Variants in NXPH1 observed in about 807,000 individuals in gnomAD.
NXPH1 encodes neurexophilin 1.
In NXPH1, 5 loss-of-function variants were observed where a neutral mutation model predicts 23.7. That is an observed-to-expected ratio of 0.21 (90% CI 0.11 to 0.44). The LOEUF (loss-of-function observed/expected upper bound fraction) is 0.44, where lower values mean the gene tolerates loss of function less well. NXPH1 is among the 20% of genes least tolerant of loss of function. NXPH1 has a pLI of 0.99. For missense variants in NXPH1, 324 were observed against 321.6 expected (o/e 1.01, Z -0.06); for synonymous variants, 144 against 122.2 (o/e 1.18, Z -1.18).
chr7:8,642,288 A>G (rs1472723493), intron 2 of NXPH1, among the ~76,000 whole-genome samples: 1 of 152,200 alleles, frequency 6.6e-6, no homozygotes, highest in Non-Finnish European at 1.5e-5. Context: ...TTTTAAAGAC[A>G]TTGCTCTGTT....
intron 2 of NXPH1, among the ~76,000 whole-genome samples, chr7:8,681,371 C>A (rs572302900): frequency 3.3e-5 from 5 of 152,224 alleles, no homozygotes; most frequent in Admixed American, 2.6e-4. Context: ...GACAATTTAC[C>A]CAGTAATGTG....
At chr7:8,633,593 A>G (rs1820169228) in intron 2 of NXPH1, among the ~76,000 whole-genome samples, 1 of 152,232 alleles carries the variant, frequency 6.6e-6, no homozygotes, top group Non-Finnish European at 1.5e-5. Context: ...ATTCATTTAT[A>G]AAACCCAAAC....
At chr7:8,601,129 A>T (rs1289994726) in intron 2 of NXPH1, among the ~76,000 whole-genome samples, 1 of 152,154 alleles carries the variant, frequency 6.6e-6, no homozygotes, top group African/African-American at 2.4e-5. Flanking sequence ...TCCTGGAACC[A>T]ATGCCCCTCA....
At chr7:8,557,513 C>T (rs879793461) in intron 2 of NXPH1, among the ~76,000 whole-genome samples, 2 of 148,432 alleles carry the variant, frequency 1.3e-5, no homozygotes, top group Admixed American at 1.3e-4. Context: ...GACCCCTCCA[C>T]TCAGGGTCTG....
At chr7:8,593,041 G>T (rs145706925) in intron 2 of NXPH1, among the ~76,000 whole-genome samples, 1 of 151,812 alleles carries the variant, frequency 6.6e-6, no homozygotes, top group East Asian at 1.9e-4. Flanking sequence ...TAGATTCCAA[G>T]GTCCATTTCT....
At chr7:8,542,821 G>T (rs1584222182) in intron 2 of NXPH1, among the ~76,000 whole-genome samples, 1 of 151,498 alleles carries the variant, frequency 6.6e-6, no homozygotes, top group East Asian at 2.0e-4. Context: ...ACCATTTTAG[G>T]TACAAGTTTA....
At chr7:8,494,912 A>G (rs1817310670) in intron 2 of NXPH1, among the ~76,000 whole-genome samples, 1 of 152,030 alleles carries the variant, frequency 6.6e-6, no homozygotes, top group African/African-American at 2.4e-5. Flanking sequence ...GTACATCCTG[A>G]TTGTACTCCC....
chr7:8,554,730 T>C (rs1297653702), intron 2 of NXPH1, among the ~76,000 whole-genome samples: 1 of 151,682 alleles, frequency 6.6e-6, no homozygotes, highest in East Asian at 2.0e-4. Flanking sequence ...TATAAAGTCC[T>C]TCTGTTCTTT....
At chr7:8,626,347 A>T (rs1233072025) in intron 2 of NXPH1, among the ~76,000 whole-genome samples, 1 of 150,106 alleles carries the variant, frequency 6.7e-6, no homozygotes, top group Non-Finnish European at 1.5e-5. Context: ...TATAATTCTG[A>T]TGTGTCAGTG....
Position 8,752,089 on chromosome 7 carries a change from T to C in NXPH1, c.*320T>C. On this transcript the variant is annotated 3_prime_UTR_variant, in exon 3 of 3. Coordinates refer to ENST00000405863, the MANE Select transcript of NXPH1 (RefSeq NM_152745.3). ...ATGATTCCTGTTGAGAGGGCTTTCA[T>C]TGTCTGACTCATAATGGTTCAGGAT... 4.1e-6 allele frequency: 1 copy of C among 244,664 alleles called. No individual in the cohort carries two copies. The highest frequency in any genetic ancestry group is 8.0e-6 in the Non-Finnish European group (1 of 124,348). 15.2% of individuals were successfully genotyped at this position (244,664 alleles called of 1,614,324 possible).
At chr7:8,706,945 A>G (rs555871102) in intron 2 of NXPH1, among the ~76,000 whole-genome samples, 9 of 152,314 alleles carry the variant, frequency 5.9e-5, no homozygotes, top group African/African-American at 1.9e-4. Context: ...TAATGGGTAC[A>G]ATATATATTT....
intron 2 of NXPH1, among the ~76,000 whole-genome samples, chr7:8,631,148 G>GTAC (rs2115134365): frequency 6.6e-6 from 1 of 152,246 alleles, no homozygotes; most frequent in Non-Finnish European, 1.5e-5. Context: ...TGGTTTATAT[G>GTAC]TACCACATTT....
At position 8,539,361 on chromosome 7, in the gene NXPH1, T is replaced by C. The variant is rs374937785; in HGVS notation, c.54+103594T>C. On this transcript the variant is annotated intron_variant, in intron 2 of 2. Coordinates refer to ENST00000405863, the MANE Select transcript of NXPH1 (RefSeq NM_152745.3). ...TAGGACATGGGGAGTTAGAGGTTTG[T>C]TGGATAGAGGCCACTGTCTTTTCTT... Among the ~76,000 whole-genome samples the C allele has an allele frequency of 1.5e-4, 23 of 151,966 alleles. No individual in the cohort carries two copies. In the East Asian group the frequency reaches 4.3e-3, roughly 28 times the overall value.
intron 2 of NXPH1, among the ~76,000 whole-genome samples, chr7:8,450,065 A>G (rs1399533738): frequency 6.6e-6 from 1 of 152,238 alleles, no homozygotes; most frequent in African/African-American, 2.4e-5. Flanking sequence ...ACTGGGACAT[A>G]AAGTACAACC....
At chr7:8,673,114 A>G (rs1820896106) in intron 2 of NXPH1, among the ~76,000 whole-genome samples, 1 of 152,154 alleles carries the variant, frequency 6.6e-6, no homozygotes, top group Non-Finnish European at 1.5e-5. Context: ...ATTAGGCATT[A>G]TTGCTCTATT....
intron 2 of NXPH1, among the ~76,000 whole-genome samples, chr7:8,646,284 C>A (rs1820398929): frequency 6.6e-6 from 1 of 151,948 alleles, no homozygotes; most frequent in Admixed American, 6.6e-5. Context: ...TTAAACTCTC[C>A]GTGAGTGGTA....
intron 2 of NXPH1, among the ~76,000 whole-genome samples, chr7:8,635,080 G>C (rs1820197932): frequency 6.6e-6 from 1 of 152,124 alleles, no homozygotes; most frequent in Non-Finnish European, 1.5e-5. Flanking sequence ...GCAGACTAGA[G>C]ATCTTACCTG....
intron 2 of NXPH1, among the ~76,000 whole-genome samples, chr7:8,647,784 T>C (rs1464256432): frequency 2.6e-5 from 4 of 151,924 alleles, no homozygotes; most frequent in Admixed American, 2.6e-4. Flanking sequence ...ATTCGGTTTT[T>C]TTTTTTTAAC....
intron 2 of NXPH1, among the ~76,000 whole-genome samples, chr7:8,640,515 T>G (rs1202318018): frequency 6.6e-6 from 1 of 151,964 alleles, no homozygotes; most frequent in African/African-American, 2.4e-5. Flanking sequence ...CTTCTTTACT[T>G]GTCTTTAAAT....
Sources: gnomAD v4.1 joint callset for allele counts (sites outside exome capture counted in the v4.1 genomes callset) on GRCh38, gnomAD v4.1.1 for gene constraint, MANE v1.5 for transcripts, NCBI Gene and HGNC (gene_info 2026-07-23, HGNC 2026-07-21) for gene names.